SCAI: variants seen among roughly 807,000 people sequenced by gnomAD.
SCAI encodes the protein suppressor of cancer cell invasion, also known as protein SCAI.
A neutral mutation model predicts 92.2 loss-of-function variants in SCAI; 24 were observed. That is an observed-to-expected ratio of 0.26 (90% CI 0.19 to 0.37). SCAI has a LOEUF of 0.37. Among genes scored for constraint, SCAI ranks in the 10% least tolerant of loss-of-function variants. The pLI is 1.00. For missense variants in SCAI, 450 were observed against 736.2 expected (o/e 0.61, Z 4.50); for synonymous variants, 261 against 258.6 (o/e 1.01, Z -0.09).
chr9:125,017,923 C>T (rs576207460), intron 9 of SCAI, among the ~76,000 whole-genome samples: 1 of 151,698 alleles, frequency 6.6e-6, no homozygotes, highest in South Asian at 2.1e-4. Flanking sequence ...GCAGGAGAAT[C>T]GCTTGAACCT....
In SCAI at chr9:124,947,085, T is replaced by C. The variant is rs1831156463; in HGVS notation, c.*5722A>G. ...AAAACACTGATGAAAAAAGAATTGT[T>C]CCAAAATCAAAATTCAGTATGAGGC... On this transcript the variant is annotated 3_prime_UTR_variant, in exon 18 of 18. Transcript: ENST00000336505. The C allele has an allele frequency of 6.6e-6, 1 of 152,084 alleles. No individual in the cohort carries two copies. Among genetic ancestry groups the C allele is most frequent in the South Asian group, 2.1e-4 (1 of 4,824 alleles). 9.4% of individuals were successfully genotyped at this position (152,084 alleles called of 1,614,324 possible). A position where few individuals can be genotyped will look rare whatever the true frequency, so the allele number is the denominator to read the frequency against.
chr9:125,066,688 C>T (rs937961890), intron 2 of SCAI, among the ~76,000 whole-genome samples: 1 of 152,190 alleles, frequency 6.6e-6, no homozygotes, highest in East Asian at 1.9e-4. Context: ...CTCCTGACCT[C>T]GTGATCCGCC....
chr9:124,951,192 T>A lies in SCAI; in HGVS notation c.*1615A>T, dbSNP rs994519661. On this transcript the variant is annotated 3_prime_UTR_variant, in exon 18 of 18. Transcript: ENST00000336505. ...AATAACTTAGACCCAAATTAGTCTC[T>A]ATGCCAGAAATGAAAACCAAGTTAA... The A allele has an allele frequency of 6.6e-6, 1 of 150,870 alleles. No individual in the cohort carries two copies. The highest frequency in any genetic ancestry group is 1.5e-5 in the Non-Finnish European group (1 of 67,800). 9.3% of individuals were successfully genotyped at this position (150,870 alleles called of 1,614,324 possible). A position where few individuals can be genotyped will look rare whatever the true frequency, so the allele number is the denominator to read the frequency against.
chr9:125,089,873 C>T (rs1401930977), intron 2 of SCAI, among the ~76,000 whole-genome samples: 1 of 152,116 alleles, frequency 6.6e-6, no homozygotes, highest in African/African-American at 2.4e-5. Context: ...AAAAAAGATA[C>T]CTGTTTTCTT....
In SCAI at chr9:125,142,548, T is replaced by C. The variant is rs1478740844; in HGVS notation, c.98+85A>G. The C allele has an allele frequency of 4.5e-5, 43 of 945,620 alleles. 1 individual carries two copies. The highest frequency in any genetic ancestry group is 1.1e-4 in the South Asian group (8 of 71,820). The allele number at this position is 945,620 out of a possible 1,614,324, so 58.6% of individuals were successfully genotyped here. A position where few individuals can be genotyped will look rare whatever the true frequency, so the allele number is the denominator to read the frequency against. ...GGGATAAATAAGAAACTTCATCTACTGACAGTATACAATTATGCAGTACGG... is the reference window on the plus strand; with the variant it reads ...GGGATAAATAAGAAACTTCATCTACCGACAGTATACAATTATGCAGTACGG... On this transcript the variant is annotated intron_variant, in intron 2 of 17. Coordinates refer to ENST00000336505, the MANE Select transcript of SCAI (RefSeq NM_001144877.3).
chr9:125,112,506 T>C (rs996090172), intron 2 of SCAI, among the ~76,000 whole-genome samples: 2 of 152,214 alleles, frequency 1.3e-5, no homozygotes, highest in Admixed American at 6.5e-5. Context: ...GTGAGCCATA[T>C]AGTCTCTGTC....
chr9:125,137,004 G>A (rs1432236762), intron 2 of SCAI, among the ~76,000 whole-genome samples: 6 of 151,926 alleles, frequency 3.9e-5, no homozygotes, highest in Admixed American at 2.6e-4. Context: ...TGATCCACCC[G>A]CCTCGGCCTC....
intron 3 of SCAI, among the ~76,000 whole-genome samples, chr9:125,034,290 A>C (rs1366396302): frequency 6.6e-6 from 1 of 152,206 alleles, no homozygotes; most frequent in Non-Finnish European, 1.5e-5. Context: ...TTAGTCTCCC[A>C]GGGTAGGAGA....
chr9:125,128,065 A>T (rs916780368), intron 2 of SCAI, among the ~76,000 whole-genome samples: 1 of 151,966 alleles, frequency 6.6e-6, no homozygotes, highest in African/African-American at 2.4e-5. Flanking sequence ...ATAATTCCAG[A>T]ACTTTGGGAG....
intron 14 of SCAI, among the ~76,000 whole-genome samples, chr9:124,987,837 C>T (rs995290830): frequency 1.3e-5 from 2 of 152,052 alleles, no homozygotes; most frequent in Admixed American, 1.3e-4. Flanking sequence ...GTGGCACACA[C>T]CTGTAGTCCC....
At chr9:124,986,267 G>A (rs543830747) in intron 14 of SCAI, among the ~76,000 whole-genome samples, 5 of 152,236 alleles carry the variant, frequency 3.3e-5, no homozygotes, top group Non-Finnish European at 5.9e-5. Flanking sequence ...CTCCAGCCTG[G>A]GCAACAGATC....
intron 3 of SCAI, among the ~76,000 whole-genome samples, chr9:125,043,901 G>A (rs140706527): frequency 2.0e-5 from 3 of 152,208 alleles, no homozygotes; most frequent in Non-Finnish European, 4.4e-5. Flanking sequence ...TGAGTTGGAG[G>A]GGTGGGAGCC....
intron 14 of SCAI, among the ~76,000 whole-genome samples, chr9:124,989,937 G>T (rs1832083831): frequency 6.6e-6 from 1 of 151,734 alleles, no homozygotes; most frequent in African/African-American, 2.4e-5. Context: ...CACGTTGGGA[G>T]GCCAAGGTGG....
intron 2 of SCAI, among the ~76,000 whole-genome samples, chr9:125,099,580 A>G (rs1344302668): frequency 6.6e-6 from 1 of 152,148 alleles, no homozygotes; most frequent in Non-Finnish European, 1.5e-5. Flanking sequence ...TTCATCCTTC[A>G]AAGAAAAACA....
In SCAI at chr9:125,143,482, C is replaced by A. The variant is rs770138441; in HGVS notation, c.-45G>T. ...GGGAGCTGCTCCGGCGGCCGCAGGG[C>A]TCGCTCGGGAAGCTGAGGCGGCGGA... On this transcript the variant is annotated 5_prime_UTR_variant, in exon 1 of 18. Coordinates refer to ENST00000336505, the MANE Select transcript of SCAI (RefSeq NM_001144877.3). The A allele has an allele frequency of 9.9e-6, 13 of 1,318,404 alleles. No homozygotes were observed. In the East Asian group the frequency reaches 1.6e-4, roughly 16 times the overall value. 81.7% of individuals were successfully genotyped at this position (1,318,404 alleles called of 1,614,324 possible).
At chr9:125,061,786 GAA>G (rs2131146054) in intron 2 of SCAI, among the ~76,000 whole-genome samples, 1 of 150,910 alleles carries the variant, frequency 6.6e-6, no homozygotes, top group Non-Finnish European at 1.5e-5. Flanking sequence ...ACGAAGAAAA[GAA>G]AAGAAAAGAA....
chr9:124,962,927 T>G (rs1298132120), intron 17 of SCAI, among the ~76,000 whole-genome samples: 4 of 142,694 alleles, frequency 2.8e-5, no homozygotes, highest in Non-Finnish European at 6.1e-5. Context: ...GCCTCCTGAG[T>G]AGCCGGGATT....
chr9:124,997,511 T>C (rs1391997172), intron 13 of SCAI, among the ~76,000 whole-genome samples: 1 of 152,170 alleles, frequency 6.6e-6, no homozygotes, highest in African/African-American at 2.4e-5. Flanking sequence ...ATAACCAGAT[T>C]GCTCTCAGCT....
intron 2 of SCAI, among the ~76,000 whole-genome samples, chr9:125,128,467 A>G (rs1315451495): frequency 6.6e-6 from 1 of 152,058 alleles, no homozygotes; most frequent in East Asian, 1.9e-4. Context: ...TAAAAATACA[A>G]AAATGGCCAG....
Sources: allele counts gnomAD v4.1 joint callset (sites outside exome capture counted in the v4.1 genomes callset), GRCh38; gene constraint gnomAD v4.1.1; transcripts MANE v1.5; gene names NCBI Gene and HGNC (gene_info 2026-07-23, HGNC 2026-07-21).